USP48: variants seen among roughly 807,000 people sequenced by gnomAD.
USP48 encodes the protein ubiquitin carboxyl-terminal hydrolase 48.
In USP48, 43 loss-of-function variants were observed where a neutral mutation model predicts 150.7. That is an observed-to-expected ratio of 0.29 (90% confidence interval 0.22 to 0.37). The LOEUF is 0.37. USP48 is among the 10% of genes least tolerant of loss of function. The probability of loss-of-function intolerance (pLI) is 1.00; values close to 1 mark genes in which losing one functional copy is unlikely to be tolerated. For missense variants in USP48, 813 were observed against 1,249.6 expected (o/e 0.65, Z 5.27); for synonymous variants, 396 against 425.9 (o/e 0.93, Z 0.86).
Position 21,783,144 on chromosome 1 carries a change from G to C in USP48, c.-187C>G, listed in dbSNP as rs1231380871. 3 of 913,692 alleles carry C rather than the reference G, an allele frequency of 3.3e-6. No individual in the cohort carries two copies. The highest frequency in any genetic ancestry group is 8.7e-5 in the Admixed American group (2 of 23,070). 56.6% of individuals were successfully genotyped at this position (913,692 alleles called of 1,614,324 possible). ...CCGCCCGCGCCCGACCCGCACGACC[G>C]GCCGCAAAGCGCCGCCGTCGACACC... On this transcript the variant is annotated 5_prime_UTR_variant, in exon 1 of 27. Coordinates refer to ENST00000308271, the MANE Select transcript of USP48 (RefSeq NM_032236.8).
chr1:21,704,575 C>T (rs1023974058), intron 19 of USP48, 183 bp from the exon 20 acceptor site: 12 of 574,776 alleles, frequency 2.1e-5, no homozygotes, highest in South Asian at 3.6e-5. Flanking sequence ...ACCACAGCAG[C>T]GAAACTAAAT....
intron 9 of USP48, among the ~76,000 whole-genome samples, chr1:21,735,034 T>C (rs2097765643): frequency 1.3e-5 from 2 of 152,198 alleles, no homozygotes. Flanking sequence ...TTGGGTAAGA[T>C]ACTTAAAGGA....
intron 8 of USP48, among the ~76,000 whole-genome samples, chr1:21,743,812 AATATG>A (rs547174768): frequency 6.6e-6 from 1 of 152,264 alleles, no homozygotes; most frequent in African/African-American, 2.4e-5. Flanking sequence ...AACTTTTAGG[AATATG>A]ATATATTTCA....
At chr1:21,744,188 A>AATCCC (rs2097788578) in intron 8 of USP48, among the ~76,000 whole-genome samples, 1 of 152,192 alleles carries the variant, frequency 6.6e-6, no homozygotes, top group South Asian at 2.1e-4. Flanking sequence ...TCACACCTGT[A>AATCCC]ATCCCACCAC....
chr1:21,779,502 C>T (rs1477093589), intron 1 of USP48, among the ~76,000 whole-genome samples: 3 of 151,630 alleles, frequency 2.0e-5, no homozygotes, highest in African/African-American at 4.8e-5. Context: ...GCCGAGATGG[C>T]GCCACTGCAC....
At chr1:21,713,599 G>A (rs1335237244) in intron 15 of USP48, among the ~76,000 whole-genome samples, 4 of 152,202 alleles carry the variant, frequency 2.6e-5, no homozygotes, top group African/African-American at 9.7e-5. Flanking sequence ...TCAAGTGGTA[G>A]CACCAAGCAT....
intron 8 of USP48, among the ~76,000 whole-genome samples, chr1:21,743,090 A>T (rs1425916619): frequency 3.9e-5 from 6 of 152,144 alleles, no homozygotes; most frequent in African/African-American, 1.4e-4. Flanking sequence ...TAAATATATC[A>T]ATAACTGAGA....
chr1:21,746,453 AATACATAC>A (rs150166008), intron 8 of USP48, among the ~76,000 whole-genome samples: 2 of 152,014 alleles, frequency 1.3e-5, no homozygotes, highest in African/African-American at 4.8e-5. Flanking sequence ...CCGTCTCAAA[AATACATAC>A]ATACATACAT....
At chr1:21,707,411 C>T (rs1430564313) in intron 15 of USP48, among the ~76,000 whole-genome samples, 1 of 152,190 alleles carries the variant, frequency 6.6e-6, no homozygotes, top group Non-Finnish European at 1.5e-5. Flanking sequence ...GTTATCAATT[C>T]AAACAGAAGA....
chr1:21,782,649 G>C (rs928322356), intron 1 of USP48, among the ~76,000 whole-genome samples, 175 bp downstream of exon 1: 1 of 152,226 alleles, frequency 6.6e-6, no homozygotes, highest in African/African-American at 2.4e-5. Context: ...CGCACAGCCC[G>C]GGAAGCCTGC....
chr1:21,681,081 G>A lies in USP48; in HGVS notation c.3059-247C>T, dbSNP rs1437619414. 7 of 373,130 alleles carry A rather than the reference G, an allele frequency of 1.9e-5. No individual in the cohort carries two copies. The Admixed American group carries it at 3.0e-4, about 16-fold the overall frequency. 23.1% of individuals were successfully genotyped at this position (373,130 alleles called of 1,614,324 possible). A position where few individuals can be genotyped will look rare whatever the true frequency, so the allele number is the denominator to read the frequency against. Reference sequence around the variant, plus strand: ...TGACAGGACAAGGTTTGTAACTAGGGCACACCTAGTGCACGACTCTAGGAG... The same window carrying A: ...TGACAGGACAAGGTTTGTAACTAGGACACACCTAGTGCACGACTCTAGGAG... On this transcript the variant is annotated intron_variant, in intron 25 of 26. Coordinates refer to ENST00000308271, the MANE Select transcript of USP48 (RefSeq NM_032236.8).
chr1:21,689,022 AGAG>A (rs1452908543), intron 24 of USP48, among the ~76,000 whole-genome samples: 1 of 151,940 alleles, frequency 6.6e-6, no homozygotes, highest in East Asian at 1.9e-4. Flanking sequence ...CAAAAGGAAA[AGAG>A]GAGATACTTT....
chr1:21,726,430 A>G (rs1445529686), intron 11 of USP48: 1 of 152,260 alleles, frequency 6.6e-6, no homozygotes, highest in Admixed American at 6.5e-5. Flanking sequence ...GTTTTATAGT[A>G]AGAGGAGGAA....
At chr1:21,724,372 C>G (rs2097730580) in intron 11 of USP48, 3 of 584,788 alleles carry the variant, frequency 5.1e-6, no homozygotes, top group Non-Finnish European at 9.1e-6. Context: ...GAGGCATCCA[C>G]ATAGAGTCTT....
Position 21,701,404 on chromosome 1 carries a change from C to T in USP48, c.2727+94G>A, listed in dbSNP as rs1193299242. ...AAAGAAAAAAAAAGAACCAATATCC[C>T]ATACAGGGTACAGAGACATGGCCAG... On this transcript the variant is annotated intron_variant, in intron 22 of 26. Transcript: ENST00000308271. 1.8e-5 allele frequency: 17 copies of T among 968,868 alleles called. 1 individual carries two copies. The highest frequency in any genetic ancestry group is 1.8e-4 in the South Asian group (12 of 68,392). 60.0% of individuals were successfully genotyped at this position (968,868 alleles called of 1,614,324 possible). A position where few individuals can be genotyped will look rare whatever the true frequency, so the allele number is the denominator to read the frequency against.
At chr1:21,686,314 C>T (rs953299479) in intron 25 of USP48, 2 of 152,178 alleles carry the variant, frequency 1.3e-5, no homozygotes, top group Non-Finnish European at 2.9e-5. Context: ...ATGATGTCAG[C>T]TGTGGGTCTC....
chr1:21,765,938 G>C (rs781133250), intron 1 of USP48, among the ~76,000 whole-genome samples: 14 of 129,280 alleles, frequency 1.1e-4, no homozygotes, highest in African/African-American at 4.1e-4. Flanking sequence ...AAAAAAAAAA[G>C]GCAATTCAGT....
chr1:21,687,477 G>A (rs1301236273), intron 24 of USP48, among the ~76,000 whole-genome samples: 1 of 152,160 alleles, frequency 6.6e-6, no homozygotes, highest in Non-Finnish European at 1.5e-5. Context: ...GGAAAGGCAG[G>A]GGGGACTATT....
chr1:21,744,840 TTGAGTTTGA>T (rs2097790767), intron 8 of USP48, among the ~76,000 whole-genome samples: 2 of 146,450 alleles, frequency 1.4e-5, no homozygotes, highest in Non-Finnish European at 3.0e-5. Flanking sequence ...ATGGCAAGAC[TTGAGTTTGA>T]GAGTCAGGGG....
Sources: gnomAD v4.1 joint callset for allele counts (sites outside exome capture counted in the v4.1 genomes callset) on GRCh38, gnomAD v4.1.1 for gene constraint, MANE v1.5 for transcripts, NCBI Gene and HGNC (gene_info 2026-07-23, HGNC 2026-07-21) for gene names.